The following CNTN4 variants were observed in gnomAD, a reference collection of about 807,000 sequenced individuals.
CNTN4 encodes contactin-4.
Under a neutral mutation model 122.5 loss-of-function variants are expected in CNTN4, and 77 were observed. The ratio of observed to expected loss-of-function variants is 0.63; its 90% CI spans 0.52 to 0.76. CNTN4 has a LOEUF of 0.76. Ranked by LOEUF, CNTN4 falls within the 30% of genes least tolerant of loss-of-function variation. The pLI is 0.00. For synonymous variants in CNTN4, 512 were observed against 447.0 expected (o/e 1.15, Z -1.83); for missense variants, 1,256 against 1,259.1 (o/e 1.00, Z 0.04).
intron 3 of CNTN4, among the ~76,000 whole-genome samples, chr3:2,565,764 A>G (rs368273336): frequency 6.6e-6 from 1 of 152,136 alleles, no homozygotes; most frequent in South Asian, 2.1e-4. Context: ...GAGGAAGCCT[A>G]TTTAATCTCT....
intron 2 of CNTN4, among the ~76,000 whole-genome samples, chr3:2,187,511 G>A (rs963760239): frequency 1.3e-5 from 2 of 152,058 alleles, no homozygotes; most frequent in African/African-American, 2.4e-5. Context: ...GTCCCTTGGG[G>A]GCGTGATTCC....
intron 2 of CNTN4, among the ~76,000 whole-genome samples, chr3:2,148,682 A>G (rs2125389827): frequency 6.6e-6 from 1 of 152,292 alleles, no homozygotes; most frequent in African/African-American, 2.4e-5. Context: ...TGATAAATGG[A>G]CTTAATAATT....
At chr3:2,538,672 C>G (rs1188982380) in intron 3 of CNTN4, among the ~76,000 whole-genome samples, 3 of 151,836 alleles carry the variant, frequency 2.0e-5, no homozygotes, top group African/African-American at 7.2e-5. Context: ...ATTTTATATA[C>G]TTATATTTCA....
intron 13 of CNTN4, among the ~76,000 whole-genome samples, chr3:2,975,324 C>T (rs1337976563): frequency 1.3e-5 from 2 of 152,096 alleles, no homozygotes; most frequent in African/African-American, 4.8e-5. Context: ...TGCAGGATAG[C>T]ATGGTAGGAA....
chr3:2,393,512 ATACTT>A (rs1041682675), intron 3 of CNTN4, among the ~76,000 whole-genome samples: 34 of 152,250 alleles, frequency 2.2e-4, no homozygotes, highest in African/African-American at 7.2e-4. Flanking sequence ...CTATTCTACT[ATACTT>A]AGAGAAATAT....
At chr3:2,722,190 C>G (rs147151701) in intron 4 of CNTN4, among the ~76,000 whole-genome samples, 18 of 152,290 alleles carry the variant, frequency 1.2e-4, no homozygotes, top group African/African-American at 4.3e-4. Context: ...TCTTGATATA[C>G]TTAACTTCAC....
intron 6 of CNTN4, among the ~76,000 whole-genome samples, chr3:2,778,101 C>G (rs902714930): frequency 7.0e-6 from 1 of 143,010 alleles, no homozygotes; most frequent in East Asian, 2.3e-4. Context: ...GTAGTCCCAG[C>G]TACTCAGGAG....
At chr3:2,999,334 A>AGAT (rs1695822647) in intron 14 of CNTN4, among the ~76,000 whole-genome samples, 1 of 152,238 alleles carries the variant, frequency 6.6e-6, no homozygotes, top group African/African-American at 2.4e-5. Flanking sequence ...TATGTGGGGA[A>AGAT]GATAGAAGAA....
At chr3:2,253,073 G>C (rs566000080) in intron 2 of CNTN4, among the ~76,000 whole-genome samples, 108 of 152,076 alleles carry the variant, frequency 7.1e-4, no homozygotes, top group South Asian at 5.8e-3. Flanking sequence ...AAGTAGTTTA[G>C]GAGCCAAAGA....
At chr3:2,214,652 A>G (rs60150835) in intron 2 of CNTN4, among the ~76,000 whole-genome samples, 12,229 of 152,212 alleles carry the variant, frequency 0.08, 653 homozygotes, top group East Asian at 0.23. Context: ...ACAAGGTCAG[A>G]AAGAAAATCA....
At chr3:2,944,717 A>C (rs935736778) in intron 13 of CNTN4, among the ~76,000 whole-genome samples, 3 of 152,180 alleles carry the variant, frequency 2.0e-5, no homozygotes, top group Admixed American at 2.0e-4. Context: ...CTTTACCAGA[A>C]CCTTGTCTAA....
At chr3:2,942,352 G>A (rs1049794193) in intron 13 of CNTN4, among the ~76,000 whole-genome samples, 1 of 152,108 alleles carries the variant, frequency 6.6e-6, no homozygotes, top group Non-Finnish European at 1.5e-5. Flanking sequence ...TAATTCACAG[G>A]TCTGGTTGTA....
intron 2 of CNTN4, among the ~76,000 whole-genome samples, chr3:2,263,186 T>G (rs1275164720): frequency 1.3e-5 from 2 of 152,202 alleles, no homozygotes; most frequent in African/African-American, 4.8e-5. Context: ...AACATTAATT[T>G]TAATATATCC....
chr3:2,408,025 C>A (rs1011453664), intron 3 of CNTN4, among the ~76,000 whole-genome samples: 19 of 152,270 alleles, frequency 1.2e-4, no homozygotes, highest in African/African-American at 4.6e-4. Context: ...GAAGGTCATT[C>A]TGTGTGTCAA....
At chr3:2,143,484 A>T (rs2035100503) in intron 2 of CNTN4, among the ~76,000 whole-genome samples, 1 of 152,220 alleles carries the variant, frequency 6.6e-6, no homozygotes, top group Non-Finnish European at 1.5e-5. Flanking sequence ...CCTGAGAAGG[A>T]GGTGATACTA....
At chr3:3,056,008 A>G (rs1701754192) in intron 24 of CNTN4, 112 bp from the exon 25 acceptor site, 4 of 720,376 alleles carry the variant, frequency 5.6e-6, no homozygotes. Context: ...GACCTTGATC[A>G]TCATTTCCAG....
At chr3:2,908,039 T>C (rs1391300758) in intron 12 of CNTN4, among the ~76,000 whole-genome samples, 1 of 152,188 alleles carries the variant, frequency 6.6e-6, no homozygotes, top group Non-Finnish European at 1.5e-5. Context: ...TGTCTTAGCC[T>C]GAGTCATGGA....
chr3:2,613,986 G>A (rs1466710975), intron 4 of CNTN4, among the ~76,000 whole-genome samples: 1 of 152,120 alleles, frequency 6.6e-6, no homozygotes, highest in African/African-American at 2.4e-5. Flanking sequence ...TAATGAATGA[G>A]ATAGATAAAG....
At chr3:2,137,859 G>A (rs1321605305) in intron 2 of CNTN4, among the ~76,000 whole-genome samples, 7 of 152,104 alleles carry the variant, frequency 4.6e-5, no homozygotes, top group Admixed American at 2.6e-4. Flanking sequence ...TCTGAGTGTT[G>A]CAACTGCCTG....
Sources: gnomAD v4.1 joint callset for allele counts (sites outside exome capture counted in the v4.1 genomes callset) on GRCh38, gnomAD v4.1.1 for gene constraint, MANE v1.5 for transcripts, NCBI Gene and HGNC (gene_info 2026-07-23, HGNC 2026-07-21) for gene names.